Variants in A1CF observed in about 807,000 individuals in gnomAD.
A1CF encodes APOBEC-1 stimulating protein.
Under a neutral mutation model 68.9 loss-of-function variants are expected in A1CF, and 48 were observed. The observed-to-expected ratio is 0.70, with a 90% CI of 0.55 to 0.89. The LOEUF (loss-of-function observed/expected upper bound fraction) is 0.89. Ranked by LOEUF, A1CF falls within the 40% of genes least tolerant of loss-of-function variation. The pLI, the probability that A1CF is intolerant of heterozygous loss-of-function variation, is 0.00. For synonymous variants in A1CF, 272 were observed against 260.4 expected, an observed-to-expected ratio of 1.04 and a Z score of -0.43; for missense variants, 653 against 718.9, an observed-to-expected ratio of 0.91 and a Z score of 1.05.
intron 1 of A1CF, among the ~76,000 whole-genome samples, chr10:50,883,221 A>G (rs921509302): frequency 6.6e-6 from 1 of 152,186 alleles, no homozygotes; most frequent in Admixed American, 6.5e-5. Context: ...AAATAGGAAA[A>G]TGAAAAGGGA....
intron 2 of A1CF, among the ~76,000 whole-genome samples, 156 bp from the exon 3 acceptor site, chr10:50,860,141 C>CT (rs1840676302): frequency 6.6e-6 from 1 of 151,714 alleles, no homozygotes; most frequent in Non-Finnish European, 1.5e-5. Context: ...TGTAAATGTG[C>CT]TCTTAAAAAA....
intron 1 of A1CF, among the ~76,000 whole-genome samples, chr10:50,875,138 G>T (rs1841450423): frequency 6.6e-6 from 1 of 152,124 alleles, no homozygotes; most frequent in African/African-American, 2.4e-5. Flanking sequence ...AAAAGAAAAA[G>T]ACTACATGAG....
chr10:50,855,915 T>A (rs555017336), intron 3 of A1CF, among the ~76,000 whole-genome samples: 1 of 152,170 alleles, frequency 6.6e-6, no homozygotes, highest in East Asian at 1.9e-4. Context: ...CAAAAACTTT[T>A]TTAAAAAGTA....
In A1CF at chr10:50,803,989, T is replaced by C. The variant is rs1054688081; in HGVS notation, c.*2740A>G. 2.0e-5 allele frequency: 3 copies of C among 152,196 alleles called. No individual in the cohort carries two copies. The highest frequency in any genetic ancestry group is 2.9e-5 in the Non-Finnish European group (2 of 68,016). 9.4% of individuals were successfully genotyped at this position (152,196 alleles called of 1,614,324 possible). ...CGTTGTCTTAATAATTTTAAACTTA[T>C]GGTAGCAGGACTTGCTCTATCTACC... On this transcript the variant is annotated 3_prime_UTR_variant, in exon 13 of 13. Transcript: ENST00000373997.
intron 12 of A1CF, among the ~76,000 whole-genome samples, chr10:50,807,334 A>G (rs192604251): frequency 6.6e-5 from 10 of 152,300 alleles, no homozygotes; most frequent in Admixed American, 2.0e-4. Context: ...ACCTGCCTAA[A>G]TGAAACATTT....
In A1CF at chr10:50,810,029, G is replaced by A; in HGVS notation, c.1474C>T (p.Pro492Ser). ...SQNPAIHPFTPPKLSAFVDEA... is the reference protein window; with the variant it reads ...SQNPAIHPFTSPKLSAFVDEA... ...TCCACAAAGGCACTCAGCTTTGGAG[G>A]TGTGAAAGGGTGGCTGGAAAGCAAG... is the stretch of plus-strand genomic sequence containing the variant. The change falls in exon 12 of 13, where the codon CCT (proline) becomes TCT (serine). Residue 492 changes from proline to serine, a missense_variant. By Grantham distance (74) the Pro-to-Ser change is moderately conservative. Transcript: ENST00000373997. 1.2e-6 allele frequency: 2 copies of A among 1,613,936 alleles called. No homozygotes were observed. Among genetic ancestry groups the A allele is most frequent in the Non-Finnish European group, 1.7e-6 (2 of 1,179,870 alleles).
At chr10:50,850,965 C>G (rs1419999207) in intron 3 of A1CF, among the ~76,000 whole-genome samples, 1 of 152,186 alleles carries the variant, frequency 6.6e-6, no homozygotes, top group Non-Finnish European at 1.5e-5. Flanking sequence ...GCCGCTAGAT[C>G]TGATTAAGTT....
chr10:50,831,095 A>G (rs1014731739), intron 6 of A1CF, among the ~76,000 whole-genome samples: 3 of 152,324 alleles, frequency 2.0e-5, no homozygotes, highest in South Asian at 4.1e-4. Flanking sequence ...CTTACAATAT[A>G]CACATAAGCC....
chr10:50,881,800 A>G (rs1398994636), intron 1 of A1CF, among the ~76,000 whole-genome samples: 1 of 152,156 alleles, frequency 6.6e-6, no homozygotes, highest in African/African-American at 2.4e-5. Flanking sequence ...ATTGCACTTA[A>G]CTGTGCAAAT....
intron 1 of A1CF, among the ~76,000 whole-genome samples, chr10:50,875,778 T>C (rs1453552463): frequency 6.6e-6 from 1 of 152,158 alleles, no homozygotes; most frequent in Non-Finnish European, 1.5e-5. Flanking sequence ...CTTACTACCC[T>C]CTAGGCATGG....
Position 50,836,302 on chromosome 10 carries a change from G to A in A1CF, c.376C>T (p.Leu126Phe). 6.2e-7 allele frequency: 1 copy of A among 1,610,904 alleles called. No individual in the cohort carries two copies. The highest frequency in any genetic ancestry group is 8.5e-7 in the Non-Finnish European group (1 of 1,179,060). The change falls in exon 6 of 13, where the codon CTC (leucine) becomes TTC (phenylalanine). Residue 126 changes from leucine (L) to phenylalanine (F), a missense_variant. Physicochemically the swap from Leu to Phe is conservative, Grantham distance 22. Coordinates refer to ENST00000373997, the MANE Select transcript of A1CF (RefSeq NM_014576.4). Reference protein sequence around the residue: ...LNNYEIRNGRLLGVCASVDNC... With the variant: ...LNNYEIRNGRFLGVCASVDNC... ...TCCACACTGGCACAAACCCCTAAGA[G>A]GCGCCCATTTCTGCAAAAAGAGCAG...
At chr10:50,815,332 C>A (rs1166597271) in intron 9 of A1CF, among the ~76,000 whole-genome samples, 4 of 152,150 alleles carry the variant, frequency 2.6e-5, no homozygotes, top group African/African-American at 9.7e-5. Context: ...ATTTAGAATT[C>A]TTACAGGATT....
chr10:50,860,394 AG>A (rs1840689257), intron 2 of A1CF, among the ~76,000 whole-genome samples: 1 of 152,214 alleles, frequency 6.6e-6, no homozygotes, highest in African/African-American at 2.4e-5. Context: ...GAATTCTCAG[AG>A]ATTGAGTTTT....
At chr10:50,844,673 A>C (rs1839920182) in intron 3 of A1CF, among the ~76,000 whole-genome samples, 1 of 152,210 alleles carries the variant, frequency 6.6e-6, no homozygotes, top group Admixed American at 6.5e-5. Context: ...TATTTTAAGA[A>C]GTTTCATGCT....
chr10:50,825,895 T>C (rs1838906030), intron 7 of A1CF, among the ~76,000 whole-genome samples: 1 of 152,152 alleles, frequency 6.6e-6, no homozygotes, highest in Non-Finnish European at 1.5e-5. Flanking sequence ...CCGTAGAGTA[T>C]ATTTTGCAAT....
At chr10:50,870,033 A>T (rs1841175268) in intron 1 of A1CF, among the ~76,000 whole-genome samples, 1 of 151,908 alleles carries the variant, frequency 6.6e-6, no homozygotes, top group Admixed American at 6.6e-5. Context: ...TAATTAATAC[A>T]TAATAGATTT....
intron 3 of A1CF, among the ~76,000 whole-genome samples, chr10:50,847,304 C>G (rs1840046146): frequency 6.6e-6 from 1 of 152,176 alleles, no homozygotes; most frequent in Non-Finnish European, 1.5e-5. Context: ...AAAGTCTTCA[C>G]CTATGTAAAT....
intron 3 of A1CF, among the ~76,000 whole-genome samples, chr10:50,856,444 A>T (rs192153841): frequency 1.3e-5 from 2 of 152,238 alleles, no homozygotes; most frequent in Non-Finnish European, 2.9e-5. Flanking sequence ...TTATTGAAGC[A>T]CTTCTGATTC....
At chr10:50,837,623 A>G (rs1427484108) in intron 5 of A1CF, among the ~76,000 whole-genome samples, 3 of 152,228 alleles carry the variant, frequency 2.0e-5, no homozygotes, top group Non-Finnish European at 2.9e-5. Context: ...TTCTCATTGC[A>G]TACTGTAGTA....
Sources: allele counts gnomAD v4.1 joint callset (sites outside exome capture counted in the v4.1 genomes callset), GRCh38; gene constraint gnomAD v4.1.1; transcripts MANE v1.5; gene names NCBI Gene and HGNC (gene_info 2026-07-23, HGNC 2026-07-21).